The following TNFAIP8 variants were observed in gnomAD, a reference collection of about 807,000 sequenced individuals.
The protein encoded by TNFAIP8 is tumor necrosis factor alpha-induced protein 8.
A neutral mutation model predicts 13.3 loss-of-function variants in TNFAIP8; 7 were observed. That is an observed-to-expected ratio of 0.52 (90% confidence interval 0.30 to 0.99). The LOEUF is 0.99. Ranked by LOEUF, TNFAIP8 falls within the 50% of genes least tolerant of loss-of-function variation. TNFAIP8 has a pLI of 0.07. For synonymous variants in TNFAIP8, 94 were observed against 87.6 expected (o/e 1.07, Z -0.41); for missense variants, 258 against 236.9 (o/e 1.09, Z -0.58).
intron 1 of TNFAIP8, among the ~76,000 whole-genome samples, chr5:119,302,835 G>A (rs34692285): frequency 0.14 from 21,254 of 152,146 alleles, 3,987 homozygotes; most frequent in African/African-American, 0.43. Flanking sequence ...ATATTCCTGG[G>A]CTTTCTCTCT....
Position 119,356,101 on chromosome 5 carries a change from A to G in TNFAIP8, c.11A>G (p.Glu4Gly). The change falls in exon 1 of 2, where the codon GAA (glutamate) becomes GGA (glycine). Residue 4 changes from glutamate to glycine, a missense_variant. Glu to Gly is a moderately conservative substitution (Grantham distance 98). Coordinates refer to ENST00000504771, the MANE Select transcript of TNFAIP8 (RefSeq NM_014350.4). The stretch of plus-strand genomic sequence containing the variant: ...GGTTATCCTGACATTATGCACTCCG[A>G]AGCAGAAGAATCCAAGGAAGGTAGG... MHS[E>G]AEESKEVATD... 6.3e-7 allele frequency: 1 copy of G among 1,588,242 alleles called. No individual in the cohort carries two copies. Among genetic ancestry groups the G allele is most frequent in the Non-Finnish European group, 8.6e-7 (1 of 1,165,424 alleles).
intron 1 of TNFAIP8, among the ~76,000 whole-genome samples, chr5:119,271,847 C>A (rs1032892381): frequency 2.0e-5 from 3 of 152,178 alleles, no homozygotes; most frequent in African/African-American, 4.8e-5. Context: ...ATGCACACAG[C>A]AAGAACTCAA....
At chr5:119,385,536 C>T (rs1174217355) in intron 1 of TNFAIP8, among the ~76,000 whole-genome samples, 1 of 152,030 alleles carries the variant, frequency 6.6e-6, no homozygotes, top group African/African-American at 2.4e-5. Flanking sequence ...GGCAGAATAC[C>T]CCTATTTTAA....
chr5:119,315,589 T>G (rs1283023259), intron 1 of TNFAIP8, among the ~76,000 whole-genome samples: 1 of 152,234 alleles, frequency 6.6e-6, no homozygotes, highest in Non-Finnish European at 1.5e-5. Context: ...GGGGCAGTGC[T>G]GTGCCACTGT....
intron 1 of TNFAIP8, 137 bp from the exon 2 acceptor site, chr5:119,392,679 T>A: frequency 1.9e-6 from 2 of 1,030,078 alleles, no homozygotes; most frequent in Non-Finnish European, 2.7e-6. Context: ...CAGAGACTAA[T>A]GTCGGTAGAT....
At chr5:119,385,606 AAG>A (rs1336157820) in intron 1 of TNFAIP8, among the ~76,000 whole-genome samples, 1 of 152,232 alleles carries the variant, frequency 6.6e-6, no homozygotes, top group Non-Finnish European at 1.5e-5. Context: ...ACCTTAAAAA[AAG>A]AGAAATTCCC....
At chr5:119,356,580 C>A (rs1033439076) in intron 1 of TNFAIP8, among the ~76,000 whole-genome samples, 2 of 151,298 alleles carry the variant, frequency 1.3e-5, no homozygotes, top group Admixed American at 6.6e-5. Context: ...TGAGGGGAAG[C>A]GAAAATCTGT....
intron 1 of TNFAIP8, among the ~76,000 whole-genome samples, chr5:119,318,582 C>T (rs1749965657): frequency 6.6e-6 from 1 of 152,080 alleles, no homozygotes; most frequent in Non-Finnish European, 1.5e-5. Context: ...AGACATGAGC[C>T]ACTGTGCCTA....
chr5:119,341,751 G>A (rs1291411466), intron 1 of TNFAIP8, among the ~76,000 whole-genome samples: 2 of 152,116 alleles, frequency 1.3e-5, no homozygotes, highest in African/African-American at 4.8e-5. Flanking sequence ...GTTTAGAGAA[G>A]TAGAGATGGA....
At chr5:119,314,406 C>T (rs1035873914) in intron 1 of TNFAIP8, among the ~76,000 whole-genome samples, 1 of 152,236 alleles carries the variant, frequency 6.6e-6, no homozygotes, top group African/African-American at 2.4e-5. Flanking sequence ...AATGTTTCCT[C>T]TCTCTGTCAT....
intron 1 of TNFAIP8, among the ~76,000 whole-genome samples, chr5:119,315,012 G>T (rs916924901): frequency 2.0e-5 from 3 of 152,178 alleles, no homozygotes; most frequent in Admixed American, 6.5e-5. Flanking sequence ...CTCCCCAGTA[G>T]CTGGGATCAC....
chr5:119,392,924 G>A lies in TNFAIP8; in HGVS notation c.140G>A (p.Ser47Asn). 1 of 1,605,898 alleles carries A rather than the reference G, an allele frequency of 6.2e-7. No individual in the cohort carries two copies. The highest frequency in any genetic ancestry group is 8.5e-7 in the Non-Finnish European group (1 of 1,176,240). ...SIATTLIDDT[S>N]SEVLDELYRV... ...GCCACCACCTTAATAGACGACACAA[G>A]TAGTGAGGTGCTGGATGAGCTCTAC... The change falls in exon 2 of 2, where the codon AGT (serine) becomes AAT (asparagine). Residue 47 changes from serine to asparagine, a missense_variant. Ser to Asn is a conservative substitution (Grantham distance 46). Transcript: ENST00000504771.
At chr5:119,299,597 G>C (rs960446164) in intron 1 of TNFAIP8, among the ~76,000 whole-genome samples, 4 of 152,196 alleles carry the variant, frequency 2.6e-5, no homozygotes, top group Admixed American at 2.0e-4. Context: ...TCCGTTCTCA[G>C]ATCTCCAGCT....
intron 1 of TNFAIP8, among the ~76,000 whole-genome samples, chr5:119,340,254 G>A: frequency 6.6e-6 from 1 of 152,164 alleles, no homozygotes; most frequent in East Asian, 1.9e-4. Flanking sequence ...TACGCACAGG[G>A]GGCCAGCCAG....
intron 1 of TNFAIP8, among the ~76,000 whole-genome samples, chr5:119,368,456 T>TGTGCGTGC (rs773968122): frequency 2.0e-5 from 2 of 97,838 alleles, no homozygotes; most frequent in South Asian, 6.0e-4. Flanking sequence ...TGTGTGTGTG[T>TGTGCGTGC]GTGCGTGTGT....
At chr5:119,304,078 TC>T (rs1214957410) in intron 1 of TNFAIP8, among the ~76,000 whole-genome samples, 1 of 152,166 alleles carries the variant, frequency 6.6e-6, no homozygotes, top group East Asian at 1.9e-4. Flanking sequence ...AGCTTGAAAT[TC>T]TTTCTGATTT....
chr5:119,340,625 T>C (rs1266595919), intron 1 of TNFAIP8, among the ~76,000 whole-genome samples: 2 of 152,152 alleles, frequency 1.3e-5, no homozygotes, highest in Admixed American at 6.5e-5. Flanking sequence ...TTTCCGATTC[T>C]TGGGTTCTGG....
intron 1 of TNFAIP8, among the ~76,000 whole-genome samples, chr5:119,331,182 C>T (rs986490184): frequency 2.6e-5 from 4 of 151,852 alleles, no homozygotes; most frequent in African/African-American, 9.7e-5. Flanking sequence ...TTCACAAGTC[C>T]TAGGGAAGCA....
upstream of TNFAIP8, among the ~76,000 whole-genome samples, chr5:119,353,020 A>C (rs181807908): frequency 1.1e-3 from 165 of 152,352 alleles, 1 homozygote; most frequent in Middle Eastern, 0.051. Context: ...TTCCATTATT[A>C]GACACTTGCA....
Sources: allele counts gnomAD v4.1 joint callset (sites outside exome capture counted in the v4.1 genomes callset), GRCh38; gene constraint gnomAD v4.1.1; transcripts MANE v1.5; gene names NCBI Gene and HGNC (gene_info 2026-07-23, HGNC 2026-07-21).